Variants in LRP1B observed in about 807,000 individuals in gnomAD.
LRP1B encodes the protein LDL receptor related protein 1B.
LRP1B carries 217 observed loss-of-function variants against 556.6 expected under a neutral mutation model. The ratio of observed to expected loss-of-function variants is 0.39; its 90% CI spans 0.35 to 0.44. LRP1B has a LOEUF of 0.44. LRP1B is among the 20% of genes least tolerant of loss of function. LRP1B has a pLI of 1.00. For synonymous variants in LRP1B, 2,047 were observed against 1,865.8 expected, an observed-to-expected ratio of 1.10 and a Z score of -2.50; for missense variants, 5,053 against 5,620.8, an observed-to-expected ratio of 0.90 and a Z score of 3.23.
At chr2:140,867,469 A>G (rs1226951683) in intron 27 of LRP1B, 121 bp downstream of exon 27, 1 of 1,069,434 alleles carries the variant, frequency 9.4e-7, no homozygotes, top group East Asian at 2.9e-5. Flanking sequence ...CTTCCCTCAT[A>G]GAGTATGCGT....
intron 1 of LRP1B, among the ~76,000 whole-genome samples, chr2:141,929,065 A>C (rs1433062850): frequency 6.6e-6 from 1 of 152,098 alleles, no homozygotes; most frequent in African/African-American, 2.4e-5. Flanking sequence ...GGTGTCTGGC[A>C]AGCCACTTGT....
At chr2:140,885,173 A>G (rs189093611) in intron 24 of LRP1B, among the ~76,000 whole-genome samples, 1 of 152,322 alleles carries the variant, frequency 6.6e-6, no homozygotes, top group East Asian at 1.9e-4. Context: ...ATTTTAAATC[A>G]GTATATGACA....
At chr2:141,276,929 T>C (rs1313286979) in intron 3 of LRP1B, among the ~76,000 whole-genome samples, 1 of 152,200 alleles carries the variant, frequency 6.6e-6, no homozygotes, top group Non-Finnish European at 1.5e-5. Flanking sequence ...GTGCTGGGAT[T>C]ACAGGCGCGA....
intron 3 of LRP1B, among the ~76,000 whole-genome samples, chr2:141,357,751 T>G (rs968725482): frequency 6.6e-6 from 1 of 152,206 alleles, no homozygotes; most frequent in Admixed American, 6.5e-5. Context: ...TTATGGAATA[T>G]TTGTCACTGA....
At position 141,790,981 on chromosome 2, in the gene LRP1B, A is replaced by C. The variant is rs917506867; in HGVS notation, c.205+19298T>G. 7.2e-5 allele frequency among the ~76,000 whole-genome samples: 11 copies of C among 152,150 alleles called. No homozygotes were observed. The East Asian group carries it at 2.1e-3, about 29-fold the overall frequency. The stretch of plus-strand genomic sequence containing the variant: ...GTTGGTGCTACAGTAAACTTGACAT[A>C]CATCAGTAAATTTTCTGAACCCCAT... On this transcript the variant is annotated intron_variant, in intron 2 of 90. Transcript: ENST00000389484.
intron 3 of LRP1B, among the ~76,000 whole-genome samples, chr2:141,273,308 CAAA>C (rs990716503): frequency 7.2e-6 from 1 of 139,774 alleles, no homozygotes. Flanking sequence ...GACTCCATCT[CAAA>C]AAAAAAAAGG....
At chr2:141,706,950 G>A (rs1277646868) in intron 2 of LRP1B, among the ~76,000 whole-genome samples, 3 of 151,852 alleles carry the variant, frequency 2.0e-5, no homozygotes, top group Non-Finnish European at 2.9e-5. Flanking sequence ...TATCAGCCAA[G>A]GTATATACTG....
intron 2 of LRP1B, among the ~76,000 whole-genome samples, chr2:141,631,319 C>T (rs1688899739): frequency 6.6e-6 from 1 of 152,034 alleles, no homozygotes; most frequent in Non-Finnish European, 1.5e-5. Flanking sequence ...ATGGGAACTA[C>T]AGTTCAAGAT....
intron 86 of LRP1B, among the ~76,000 whole-genome samples, chr2:140,250,336 A>G (rs1243488077): frequency 6.6e-6 from 1 of 151,806 alleles, no homozygotes; most frequent in Non-Finnish European, 1.5e-5. Flanking sequence ...GTATCATTGG[A>G]TCAGGAACAG....
At chr2:141,899,369 C>T (rs1699551693) in intron 1 of LRP1B, among the ~76,000 whole-genome samples, 1 of 152,104 alleles carries the variant, frequency 6.6e-6, no homozygotes, top group South Asian at 2.1e-4. Flanking sequence ...TTTTATTATA[C>T]TCAACAGAAA....
intron 1 of LRP1B, among the ~76,000 whole-genome samples, chr2:141,890,323 C>CATATATATATATATATATATATAT (rs556472129): frequency 2.4e-5 from 2 of 83,814 alleles, no homozygotes; most frequent in African/African-American, 8.8e-5. Flanking sequence ...GGGCACAATA[C>CATATATATATATATATATATATAT]ATATATATAT....
chr2:141,251,365 G>T (rs1021104281), intron 4 of LRP1B, among the ~76,000 whole-genome samples: 1 of 152,134 alleles, frequency 6.6e-6, no homozygotes, highest in African/African-American at 2.4e-5. Context: ...GTGAAAATAA[G>T]ATAATTGGGA....
intron 22 of LRP1B, among the ~76,000 whole-genome samples, chr2:140,905,822 T>A (rs1694235069): frequency 6.6e-6 from 1 of 152,156 alleles, no homozygotes; most frequent in African/African-American, 2.4e-5. Flanking sequence ...ACTGTTTTAC[T>A]AGTTAGCATC....
rs192583343 is a variant in LRP1B at position 142,000,235 on chromosome 2, C to T, written c.82+130413G>A. ...ACTCATGGCAGCGTTGATGCCAAGG[C>T]ACTGCTAGCTCTGTTGGCTCACCAT... is the stretch of plus-strand genomic sequence containing the variant. On this transcript the variant is annotated intron_variant, in intron 1 of 90. Transcript: ENST00000389484. Among the ~76,000 whole-genome samples, 3 of 152,220 alleles carry T rather than the reference C, an allele frequency of 2.0e-5. No individual in the cohort carries two copies. The East Asian group carries it at 5.8e-4, about 29-fold the overall frequency.
intron 7 of LRP1B, among the ~76,000 whole-genome samples, chr2:141,072,611 C>G (rs1214971050): frequency 2.6e-5 from 4 of 151,894 alleles, no homozygotes; most frequent in Non-Finnish European, 5.9e-5. Context: ...TCAGGTACTC[C>G]CTCTGCAACA....
intron 40 of LRP1B, 45 bp from the exon 41 acceptor site, chr2:140,700,666 CTT>C: frequency 6.4e-7 from 1 of 1,574,080 alleles, no homozygotes; most frequent in Non-Finnish European, 8.6e-7. Context: ...TTATGTTTTT[CTT>C]TTGTTTTTGA....
chr2:141,135,345 T>A (rs1701464758), intron 7 of LRP1B, among the ~76,000 whole-genome samples: 2 of 151,994 alleles, frequency 1.3e-5, no homozygotes, highest in South Asian at 4.1e-4. Context: ...TTCTGGCATC[T>A]GAAATCTAAA....
At chr2:141,072,943 T>C (rs1699686344) in intron 7 of LRP1B, among the ~76,000 whole-genome samples, 1 of 152,082 alleles carries the variant, frequency 6.6e-6, no homozygotes, top group Non-Finnish European at 1.5e-5. Context: ...ATACACTCAG[T>C]CCGTCTTTTT....
In LRP1B at chr2:140,701,707, T is replaced by G; in HGVS notation, c.6427+14A>C. 6.2e-7 allele frequency: 1 copy of G among 1,605,734 alleles called. No homozygotes were observed. The highest frequency in any genetic ancestry group is 1.1e-5 in the South Asian group (1 of 89,748). On this transcript the variant is annotated intron_variant, in intron 40 of 90. Transcript: ENST00000389484. ...TAAAATATACATATTATGTATTCTT[T>G]CAAGAGTGCTGACCTTTCTCTCTTA...
Sources: allele counts gnomAD v4.1 joint callset (sites outside exome capture counted in the v4.1 genomes callset), GRCh38; gene constraint gnomAD v4.1.1; transcripts MANE v1.5; gene names NCBI Gene and HGNC (gene_info 2026-07-23, HGNC 2026-07-21).